TENT4A: variants seen among roughly 807,000 people sequenced by gnomAD.
TENT4A encodes DNA polymerase kappa.
Under a neutral mutation model 72.8 loss-of-function variants are expected in TENT4A, and 7 were observed. That is an observed-to-expected ratio of 0.10 (90% CI 0.05 to 0.18). TENT4A has a LOEUF of 0.18. Ranked by LOEUF, TENT4A falls within the 10% of genes least tolerant of loss-of-function variation. The probability of loss-of-function intolerance (pLI) is 1.00; values close to 1 mark genes in which losing one functional copy is unlikely to be tolerated. For missense variants in TENT4A, 831 were observed against 1,017.7 expected (o/e 0.82, Z 2.50); for synonymous variants, 456 against 434.3 (o/e 1.05, Z -0.62).
chr5:6,723,459 C>CG (rs1252447378), intron 1 of TENT4A, among the ~76,000 whole-genome samples: 1 of 142,058 alleles, frequency 7.0e-6, no homozygotes, highest in Non-Finnish European at 1.5e-5. Context: ...GTTCCCAGAG[C>CG]TGACCCTTGA....
intron 1 of TENT4A, among the ~76,000 whole-genome samples, chr5:6,722,436 G>A (rs1340879414): frequency 6.6e-6 from 1 of 152,150 alleles, no homozygotes; most frequent in South Asian, 2.1e-4. Context: ...CTGAGTCTTG[G>A]GAGTGGGGGG....
Position 6,751,202 on chromosome 5 carries a change from G to C in TENT4A, c.2019+5G>C. The C allele has an allele frequency of 6.2e-7, 1 of 1,614,216 alleles. No individual in the cohort carries two copies. The highest frequency in any genetic ancestry group is 2.2e-5 in the East Asian group (1 of 44,890). On this transcript the variant is annotated splice_donor_5th_base_variant and intron_variant, in intron 11 of 12. Transcript: ENST00000230859. ...ATCATGACAACCAACAATCAGGTAC[G>C]TGGCCCTCTGGCACCCTTCCCGCTG...
chr5:6,717,436 A>G (rs1274988351), intron 1 of TENT4A, among the ~76,000 whole-genome samples: 2 of 152,188 alleles, frequency 1.3e-5, no homozygotes, highest in Non-Finnish European at 2.9e-5. Context: ...CCATGTGGCA[A>G]CCCTCACTGT....
At chr5:6,735,899 T>C (rs1197722547) in intron 1 of TENT4A, among the ~76,000 whole-genome samples, 1 of 152,106 alleles carries the variant, frequency 6.6e-6, no homozygotes, top group Non-Finnish European at 1.5e-5. Flanking sequence ...TAGCTGGGAC[T>C]ACAAGCATGT....
At chr5:6,721,597 G>C (rs946547953) in intron 1 of TENT4A, among the ~76,000 whole-genome samples, 2 of 152,210 alleles carry the variant, frequency 1.3e-5, no homozygotes, top group African/African-American at 4.8e-5. Flanking sequence ...CTGGTGTCCT[G>C]GACTCTGGTG....
rs772320867 is a variant in TENT4A at position 6,746,236 on chromosome 5, G to A, written c.1268G>A (p.Arg423Gln). The A allele has an allele frequency of 1.1e-5, 18 of 1,614,040 alleles. No individual in the cohort carries two copies. The highest frequency in any genetic ancestry group is 3.3e-5 in the South Asian group (3 of 91,080). ...FLQLHPRIDA[R>Q]RADENLGMLL... ...CAGTTGCATCCAAGAATTGATGCCC[G>A]GAGAGCTGATGAAAACCTTGGAATG... The change falls in exon 7 of 13, where the codon CGG becomes CAG. Residue 423 changes from arginine (R) to glutamine (Q), a missense_variant. Physicochemically the swap from Arg to Gln is conservative, Grantham distance 43 (BLOSUM62 1). Around this residue, in one of 3 missense-constraint regions of TENT4A, gnomAD observed 197 missense variants for 399.6 expected, o/e 0.49. Coordinates refer to ENST00000230859, the MANE Select transcript of TENT4A (RefSeq NM_006999.6).
chr5:6,746,852 A>G (rs1561043431), intron 7 of TENT4A, among the ~76,000 whole-genome samples: 1 of 152,150 alleles, frequency 6.6e-6, no homozygotes, highest in Non-Finnish European at 1.5e-5. Flanking sequence ...CACAACGCAA[A>G]CACGTTTGTC....
intron 1 of TENT4A, 42 bp downstream of exon 1, chr5:6,714,741 T>TGGTCCCGGCCGGCGCCCGC: frequency 1.0e-6 from 1 of 1,002,924 alleles, no homozygotes; most frequent in South Asian, 5.1e-5. Flanking sequence ...GCGGGGCCCA[T>TGGTCCCGGCCGGCGCCCGC]GGTCCTGGCC....
chr5:6,713,719 G>T lies in TENT4A; in HGVS notation c.-265G>T, dbSNP rs1740206593. 6.9e-6 allele frequency: 1 copy of T among 145,960 alleles called. No individual in the cohort carries two copies. The highest frequency in any genetic ancestry group is 1.8e-4 in the South Asian group (1 of 5,608). 9.0% of individuals were successfully genotyped at this position (145,960 alleles called of 1,614,324 possible). A position where few individuals can be genotyped will look rare whatever the true frequency, so the allele number is the denominator to read the frequency against. On this transcript the variant is annotated 5_prime_UTR_variant, in exon 1 of 13. Coordinates refer to ENST00000230859, the MANE Select transcript of TENT4A (RefSeq NM_006999.6). ...GGGAGCCCGGAGACCGCAGCCGCCC[G>T]CTGGGACGCGCCAAGCGCCGGAGCC... is the stretch of plus-strand genomic sequence containing the variant.
rs368758715 is a variant in TENT4A at position 6,726,104 on chromosome 5, A to C, written c.716+11405A>C. ...GTGTCCGTGAATTTTCAACCTCTGT[A>C]GTTTGTTTGTAGTTATGACCACTGT... On this transcript the variant is annotated intron_variant, in intron 1 of 12. Transcript: ENST00000230859. 5.9e-5 allele frequency among the ~76,000 whole-genome samples: 9 copies of C among 152,168 alleles called. No homozygotes were observed. In the East Asian group the frequency reaches 9.7e-4, roughly 16 times the overall value.
At chr5:6,727,228 A>G (rs6879818) in intron 1 of TENT4A, among the ~76,000 whole-genome samples, 28,595 of 151,880 alleles carry the variant, frequency 0.19, 2,880 homozygotes, top group Non-Finnish European at 0.23. Flanking sequence ...CACAGCTGGC[A>G]TGCCATGGAT....
chr5:6,721,519 A>C (rs1026569043), intron 1 of TENT4A, among the ~76,000 whole-genome samples: 4 of 152,226 alleles, frequency 2.6e-5, no homozygotes, highest in Non-Finnish European at 5.9e-5. Context: ...AAAGTTAGAA[A>C]GCCTGGAGAA....
intron 1 of TENT4A, among the ~76,000 whole-genome samples, chr5:6,717,786 C>T (rs1481348593): frequency 6.6e-6 from 1 of 152,244 alleles, no homozygotes; most frequent in Non-Finnish European, 1.5e-5. Context: ...GCTGCTGTCA[C>T]TTGCAAGTGC....
chr5:6,744,479 A>G (rs1306581481), intron 6 of TENT4A, among the ~76,000 whole-genome samples: 1 of 152,252 alleles, frequency 6.6e-6, no homozygotes, highest in African/African-American at 2.4e-5. Context: ...GTCCTTTACA[A>G]AATCTTGCCT....
chr5:6,732,992 C>G (rs549901315), intron 1 of TENT4A, among the ~76,000 whole-genome samples: 1 of 152,224 alleles, frequency 6.6e-6, no homozygotes, highest in Non-Finnish European at 1.5e-5. Flanking sequence ...GAAGTCACCA[C>G]GGAGCAGTTG....
chr5:6,754,428 C>A (rs1742580907), intron 12 of TENT4A, among the ~76,000 whole-genome samples: 2 of 152,150 alleles, frequency 1.3e-5, no homozygotes, highest in Non-Finnish European at 2.9e-5. Flanking sequence ...CTCGGCCTCC[C>A]AAAGTGGTGG....
rs376016537 is a variant in TENT4A at position 6,749,509 on chromosome 5, C to T, written c.1587-48C>T. 211 of 1,275,596 alleles carry T rather than the reference C, an allele frequency of 1.7e-4. 1 individual carries two copies. The highest frequency in any genetic ancestry group is 3.9e-4 in the Middle Eastern group (2 of 5,192). 79.0% of individuals were successfully genotyped at this position (1,275,596 alleles called of 1,614,324 possible). On this transcript the variant is annotated intron_variant, in intron 8 of 12. Transcript: ENST00000230859. ...GCTGTTCGAGAGGGGTTCTCAGCTC[C>T]CTGACACCTGTTGTACTCTGTTGAT...
chr5:6,722,775 CAT>C (rs1740725816), intron 1 of TENT4A, among the ~76,000 whole-genome samples: 1 of 152,082 alleles, frequency 6.6e-6, no homozygotes, highest in African/African-American at 2.4e-5. Flanking sequence ...CAGCTTCTAA[CAT>C]AGTGTTCTGT....
chr5:6,726,112 T>C (rs906424927), intron 1 of TENT4A, among the ~76,000 whole-genome samples: 2 of 152,210 alleles, frequency 1.3e-5, no homozygotes, highest in Admixed American at 1.3e-4. Context: ...GTAGTTTGTT[T>C]GTAGTTATGA....
Sources: gnomAD v4.1 joint callset for allele counts (sites outside exome capture counted in the v4.1 genomes callset) on GRCh38, gnomAD v4.1.1 for gene constraint, gnomAD v4.1.1 regional missense constraint, MANE v1.5 for transcripts, NCBI Gene and HGNC (gene_info 2026-07-23, HGNC 2026-07-21) for gene names.